DOP1B: variants seen among roughly 807,000 people sequenced by gnomAD.
DOP1B encodes protein DOP1B.
A neutral mutation model predicts 233.5 loss-of-function variants in DOP1B; 174 were observed. The ratio of observed to expected loss-of-function variants is 0.75; its 90% CI spans 0.66 to 0.85. The LOEUF (loss-of-function observed/expected upper bound fraction) is 0.85, where lower values mean the gene tolerates loss of function less well. Among genes scored for constraint, DOP1B ranks in the 40% least tolerant of loss-of-function variants. DOP1B has a pLI of 0.00. For synonymous variants in DOP1B, 1,190 were observed against 1,185.6 expected (o/e 1.00, Z -0.08); for missense variants, 2,652 against 2,846.6 (o/e 0.93, Z 1.56).
chr21:36,269,060 A>G (rs1569062491), intron 26 of DOP1B, among the ~76,000 whole-genome samples: 1 of 152,260 alleles, frequency 6.6e-6, no homozygotes, highest in East Asian at 1.9e-4. Context: ...AAAATGTGGT[A>G]GTCTGAATTG....
intron 2 of DOP1B, 97 bp downstream of exon 2, chr21:36,164,968 T>G: frequency 9.4e-7 from 1 of 1,065,432 alleles, no homozygotes; most frequent in East Asian, 3.4e-5. Flanking sequence ...ATTTGTATTT[T>G]ATAATCTTTA....
intron 18 of DOP1B, among the ~76,000 whole-genome samples, chr21:36,240,290 G>A (rs1309392318): frequency 6.6e-6 from 1 of 152,058 alleles, no homozygotes; most frequent in African/African-American, 2.4e-5. Flanking sequence ...GACCAGCCTG[G>A]CCAATATGGT....
At chr21:36,159,452 A>G (rs577189427) in intron 1 of DOP1B, among the ~76,000 whole-genome samples, 1 of 151,840 alleles carries the variant, frequency 6.6e-6, no homozygotes, top group African/African-American at 2.4e-5. Context: ...ACTCCATCTC[A>G]AAAAAAAAGA....
At chr21:36,229,654 G>A (rs2066735695) in intron 13 of DOP1B, among the ~76,000 whole-genome samples, 1 of 145,362 alleles carries the variant, frequency 6.9e-6, no homozygotes, top group Admixed American at 6.9e-5. Context: ...TCTCTGACTT[G>A]CTTTACCTTT....
At chr21:36,262,961 G>A (rs1000926802) in intron 24 of DOP1B, among the ~76,000 whole-genome samples, 35 of 150,880 alleles carry the variant, frequency 2.3e-4, no homozygotes, top group Non-Finnish European at 2.2e-4. Context: ...AAGGCCGGGC[G>A]CAGTGGCTCA....
At chr21:36,261,968 C>T in intron 24 of DOP1B, 1 of 984,806 alleles carries the variant, frequency 1.0e-6, no homozygotes, top group Non-Finnish European at 1.2e-6. Context: ...GGAAGCCTCA[C>T]TATGCCTACA....
chr21:36,270,875 T>C (rs1024278252), intron 27 of DOP1B, among the ~76,000 whole-genome samples: 2 of 147,112 alleles, frequency 1.4e-5, no homozygotes, highest in Non-Finnish European at 3.0e-5. Context: ...ATTGTACCAC[T>C]GCACTCCAGC....
chr21:36,274,758 C>G (rs2067331059), intron 27 of DOP1B, among the ~76,000 whole-genome samples: 1 of 152,070 alleles, frequency 6.6e-6, no homozygotes, highest in African/African-American at 2.4e-5. Context: ...CAAGGGGAGA[C>G]AGTGGAGGTC....
chr21:36,276,009 G>A (rs1041900397), intron 27 of DOP1B, among the ~76,000 whole-genome samples: 7 of 152,070 alleles, frequency 4.6e-5, no homozygotes, highest in Non-Finnish European at 1.0e-4. Context: ...TGCTGGAAAC[G>A]GAGATTTGAG....
At chr21:36,223,935 G>A (rs555797162) in intron 11 of DOP1B, among the ~76,000 whole-genome samples, 2 of 152,074 alleles carry the variant, frequency 1.3e-5, no homozygotes, top group South Asian at 2.1e-4. Flanking sequence ...ACCCTGTTTT[G>A]TCCTGAGGCA....
chr21:36,216,576 A>C (rs1373394514), intron 9 of DOP1B, among the ~76,000 whole-genome samples: 34 of 152,108 alleles, frequency 2.2e-4, no homozygotes, highest in Admixed American at 2.2e-3. Flanking sequence ...GCACCATTGC[A>C]CTCCAGCCTG....
At chr21:36,248,294 C>T (rs1489748691) in intron 20 of DOP1B, 86 bp from the exon 21 acceptor site, 40 of 1,438,996 alleles carry the variant, frequency 2.8e-5, no homozygotes, top group Non-Finnish European at 9.5e-7. Flanking sequence ...CAGCCCAGAC[C>T]TAATCCCGCT....
At chr21:36,192,926 G>C (rs1427245173) in intron 2 of DOP1B, among the ~76,000 whole-genome samples, 3 of 152,084 alleles carry the variant, frequency 2.0e-5, no homozygotes, top group African/African-American at 7.2e-5. Flanking sequence ...CCTGACCTCT[G>C]ATCTGCCCAC....
intron 23 of DOP1B, among the ~76,000 whole-genome samples, chr21:36,259,674 G>A (rs966921798): frequency 6.6e-6 from 1 of 152,162 alleles, no homozygotes; most frequent in Non-Finnish European, 1.5e-5. Flanking sequence ...GGGGTTCTTC[G>A]AGGTCCTGAA....
At chr21:36,271,901 G>C (rs970910517) in intron 27 of DOP1B, among the ~76,000 whole-genome samples, 25 of 151,878 alleles carry the variant, frequency 1.6e-4, no homozygotes, top group Non-Finnish European at 3.1e-4. Context: ...GGGAGGCTGA[G>C]GTGGGCGGGT....
At chr21:36,183,202 C>T (rs928838453) in intron 2 of DOP1B, among the ~76,000 whole-genome samples, 2 of 152,122 alleles carry the variant, frequency 1.3e-5, no homozygotes, top group African/African-American at 4.8e-5. Context: ...ATGCTTATTC[C>T]CATCCTGGCC....
intron 23 of DOP1B, among the ~76,000 whole-genome samples, chr21:36,260,250 G>C (rs1180320000): frequency 1.0e-5 from 1 of 99,320 alleles, no homozygotes; most frequent in Non-Finnish European, 1.9e-5. Flanking sequence ...GAGGAAGGGA[G>C]GGAGGAAGGA....
intron 31 of DOP1B, among the ~76,000 whole-genome samples, chr21:36,280,698 G>A (rs2067405310): frequency 1.3e-5 from 2 of 152,122 alleles, no homozygotes; most frequent in African/African-American, 4.8e-5. Flanking sequence ...CTATCATTAA[G>A]TATCATTAAA....
chr21:36,251,056 A>G, intron 21 of DOP1B, 106 bp from the exon 22 acceptor site: 2 of 1,440,702 alleles, frequency 1.4e-6, no homozygotes, highest in East Asian at 4.7e-5. Context: ...GGGCACAAAC[A>G]TGACAGGGTC....
Sources: gnomAD v4.1 joint callset for allele counts (sites outside exome capture counted in the v4.1 genomes callset) on GRCh38, gnomAD v4.1.1 for gene constraint, MANE v1.5 for transcripts, NCBI Gene and HGNC (gene_info 2026-07-23, HGNC 2026-07-21) for gene names.